ESRRB: variants seen among roughly 807,000 people sequenced by gnomAD.
The protein encoded by ESRRB is steroid hormone receptor ERR2.
ESRRB carries 16 observed loss-of-function variants against 46.0 expected under a neutral mutation model. That is an observed-to-expected ratio of 0.35 (90% CI 0.24 to 0.53). The LOEUF is 0.53. Among genes scored for constraint, ESRRB ranks in the 20% least tolerant of loss-of-function variants. ESRRB has a pLI of 0.93. For missense variants in ESRRB, 488 were observed against 607.4 expected (o/e 0.80, Z 2.07); for synonymous variants, 246 against 259.6 (o/e 0.95, Z 0.50).
At chr14:76,392,224 T>C (rs1189982687) in intron 1 of ESRRB, among the ~76,000 whole-genome samples, 1 of 152,084 alleles carries the variant, frequency 6.6e-6, no homozygotes, top group Non-Finnish European at 1.5e-5. Flanking sequence ...AGAGTCAAGG[T>C]GCAGGGTGGC....
chr14:76,435,624 G>A (rs972552862), intron 1 of ESRRB, among the ~76,000 whole-genome samples: 7 of 152,248 alleles, frequency 4.6e-5, no homozygotes, highest in African/African-American at 1.7e-4. Context: ...GAAGTCAGGA[G>A]TTCGAGACCA....
At chr14:76,340,219 T>C (rs1262480751) in intron 1 of ESRRB, among the ~76,000 whole-genome samples, 1 of 152,160 alleles carries the variant, frequency 6.6e-6, no homozygotes, top group Non-Finnish European at 1.5e-5. Flanking sequence ...GCCCAGGGGC[T>C]GGGGATATGG....
chr14:76,342,418 G>A (rs1158278109), intron 1 of ESRRB, among the ~76,000 whole-genome samples: 2 of 152,210 alleles, frequency 1.3e-5, no homozygotes, highest in Non-Finnish European at 2.9e-5. Context: ...AGCCCACTGA[G>A]CCCTCAGACC....
chr14:76,468,397 C>A (rs1020126346), intron 3 of ESRRB, among the ~76,000 whole-genome samples: 7 of 112,034 alleles, frequency 6.2e-5, no homozygotes, highest in Non-Finnish European at 1.1e-4. Flanking sequence ...ACTGCCCCCC[C>A]CCCAACACCA....
intron 1 of ESRRB, among the ~76,000 whole-genome samples, chr14:76,317,627 A>G (rs1883817555): frequency 1.3e-5 from 2 of 152,202 alleles, no homozygotes; most frequent in Admixed American, 1.3e-4. Context: ...AAAGAGGCCC[A>G]GTGTTGGAGA....
intron 1 of ESRRB, among the ~76,000 whole-genome samples, chr14:76,412,038 C>T (rs1407691138): frequency 6.6e-6 from 1 of 152,164 alleles, no homozygotes; most frequent in African/African-American, 2.4e-5. Flanking sequence ...CTTGATTCTT[C>T]TTTATCCTTG....
intron 1 of ESRRB, among the ~76,000 whole-genome samples, chr14:76,412,535 C>T (rs193228224): frequency 1.4e-4 from 21 of 152,292 alleles, no homozygotes; most frequent in Non-Finnish European, 2.2e-4. Flanking sequence ...ACCTGGGAGC[C>T]TCCATCCTCC....
intron 1 of ESRRB, among the ~76,000 whole-genome samples, chr14:76,328,008 C>A (rs555255991): frequency 6.6e-6 from 1 of 152,160 alleles, no homozygotes; most frequent in South Asian, 2.1e-4. Context: ...GCCACTGTGC[C>A]CGGCCATACC....
At position 76,354,224 on chromosome 14, in the gene ESRRB, G is replaced by A. The variant is rs528919063; in HGVS notation, c.2+43308G>A. Among the ~76,000 whole-genome samples, 6 of 34,560 alleles carry A rather than the reference G, an allele frequency of 1.7e-4. No individual in the cohort carries two copies. The South Asian group carries it at 6.1e-3, about 35-fold the overall frequency. The allele number at this position is 34,560 out of a possible 152,430, so 22.7% of individuals were successfully genotyped here. On this transcript the variant is annotated intron_variant, in intron 1 of 6. Coordinates refer to the ESRRB transcript ENST00000512784. The stretch of plus-strand genomic sequence containing the variant: ...CCTTGGCCCCCAGGGTCCTCTACCC[G>A]CCCCCCCCCCCACCCACACTTCCAC...
At chr14:76,391,453 G>A (rs898899418) in intron 1 of ESRRB, among the ~76,000 whole-genome samples, 4 of 152,248 alleles carry the variant, frequency 2.6e-5, no homozygotes, top group African/African-American at 7.2e-5. Context: ...CTGGCAATGC[G>A]TACATCTGCA....
chr14:76,348,732 G>A (rs76436594), intron 1 of ESRRB, among the ~76,000 whole-genome samples: 9,172 of 152,250 alleles, frequency 0.06, 938 homozygotes, highest in African/African-American at 0.21. Flanking sequence ...TGCATAGACT[G>A]TGTTAAATAA....
chr14:76,339,280 C>T (rs1884163105), intron 1 of ESRRB, among the ~76,000 whole-genome samples: 1 of 152,230 alleles, frequency 6.6e-6, no homozygotes, highest in African/African-American at 2.4e-5. Context: ...GTTCTGTGAC[C>T]TAACCTCCCC....
chr14:76,429,966 T>G (rs553240598), intron 1 of ESRRB, among the ~76,000 whole-genome samples: 7 of 152,048 alleles, frequency 4.6e-5, no homozygotes, highest in East Asian at 1.9e-4. Context: ...CTTCCTTCCT[T>G]CCTGCCTGCC....
chr14:76,393,967 A>ATTTTTTTTTTTTTTT (rs71122531), intron 1 of ESRRB, among the ~76,000 whole-genome samples: 29 of 126,960 alleles, frequency 2.3e-4, no homozygotes, highest in Non-Finnish European at 3.2e-4. Context: ...TGCCTGGCTA[A>ATTTTTTTTTTTTTTT]TTTTTTTTTT....
intron 2 of ESRRB, among the ~76,000 whole-genome samples, chr14:76,441,933 C>T (rs1287295700): frequency 6.6e-6 from 1 of 152,212 alleles, no homozygotes. Flanking sequence ...GCAGGCTAAG[C>T]TTCCCCGGGA....
intron 1 of ESRRB, among the ~76,000 whole-genome samples, chr14:76,388,873 C>A (rs372183321): frequency 6.6e-6 from 1 of 152,316 alleles, no homozygotes; most frequent in South Asian, 2.1e-4. Context: ...TCCCATCATT[C>A]TCTTATCGCC....
chr14:76,391,441 C>T lies in ESRRB; in HGVS notation c.50+14990C>T, dbSNP rs373375338. Among the ~76,000 whole-genome samples, 7 of 152,242 alleles carry T rather than the reference C, an allele frequency of 4.6e-5. No individual in the cohort carries two copies. In the East Asian group the frequency reaches 9.6e-4, roughly 21 times the overall value. On this transcript the variant is annotated intron_variant, in intron 1 of 6. Coordinates refer to ENST00000644823, the MANE Select transcript of ESRRB (RefSeq NM_001379180.1). ...GCAAGTGCACTACAAGCCCACAGACCGCTGGCAATGCGTACATCTGCATGC... is the reference window on the plus strand; with the variant it reads ...GCAAGTGCACTACAAGCCCACAGACTGCTGGCAATGCGTACATCTGCATGC...
chr14:76,446,341 A>G (rs1888144606), intron 2 of ESRRB, among the ~76,000 whole-genome samples: 1 of 148,030 alleles, frequency 6.8e-6, no homozygotes, highest in Admixed American at 6.6e-5. Context: ...ATTCTATGCT[A>G]TGAAAGGGAG....
chr14:76,497,484 A>G (rs4899596), intron 6 of ESRRB, among the ~76,000 whole-genome samples: 113,544 of 152,042 alleles, frequency 0.75, 42,617 homozygotes, highest in Admixed American at 0.82. Flanking sequence ...GCTGGGATGT[A>G]GGTAAATTTT....
Sources: gnomAD v4.1 joint callset for allele counts (sites outside exome capture counted in the v4.1 genomes callset) on GRCh38, gnomAD v4.1.1 for gene constraint, MANE v1.5 for transcripts, NCBI Gene and HGNC (gene_info 2026-07-23, HGNC 2026-07-21) for gene names.